Variants in TRIO observed in about 807,000 individuals in gnomAD.
The protein encoded by TRIO is triple functional domain protein.
A neutral mutation model predicts 351.9 loss-of-function variants in TRIO; 58 were observed. The observed-to-expected ratio is 0.16, with a 90% CI of 0.13 to 0.21. The LOEUF is 0.21. Among genes scored for constraint, TRIO ranks in the 10% least tolerant of loss-of-function variants. The pLI, the probability that TRIO is intolerant of heterozygous loss-of-function variation, is 1.00. For missense variants in TRIO, 3,201 were observed against 4,027.8 expected (o/e 0.79, Z 5.56); for synonymous variants, 1,758 against 1,595.7 (o/e 1.10, Z -2.42).
intron 1 of TRIO, among the ~76,000 whole-genome samples, chr5:14,156,634 C>T (rs1025587298): frequency 1.2e-4 from 18 of 152,192 alleles, no homozygotes; most frequent in African/African-American, 3.9e-4. Context: ...TTTTATCCTC[C>T]GTATCTTTAC....
chr5:14,253,619 G>T (rs1328118739), intron 1 of TRIO, among the ~76,000 whole-genome samples: 1 of 152,150 alleles, frequency 6.6e-6, no homozygotes. Context: ...GATTGATTAC[G>T]GGCATGAACT....
At chr5:14,147,353 C>T (rs1023509618) in intron 1 of TRIO, among the ~76,000 whole-genome samples, 5 of 152,136 alleles carry the variant, frequency 3.3e-5, no homozygotes, top group Non-Finnish European at 1.5e-5. Context: ...AGTTCTCAAC[C>T]CCACTGGGAC....
At chr5:14,315,420 T>G (rs1296638146) in intron 8 of TRIO, among the ~76,000 whole-genome samples, 1 of 151,988 alleles carries the variant, frequency 6.6e-6, no homozygotes, top group African/African-American at 2.4e-5. Context: ...GCCCAGCTAA[T>G]TTTTGTATTT....
intron 26 of TRIO, chr5:14,390,584 G>C: frequency 1.9e-6 from 1 of 535,690 alleles, no homozygotes; most frequent in African/African-American, 1.9e-5. Context: ...CCTTCTGGGG[G>C]ATCGTCTAGT....
rs58856067 is a variant in TRIO, at chr5:14,199,195, C to CAAAAAAA, written c.157+55331_157+55337dup. Among the ~76,000 whole-genome samples, 15 of 74,222 alleles carry CAAAAAAA rather than the reference C, an allele frequency of 2.0e-4. 1 individual carries two copies. Among genetic ancestry groups the CAAAAAAA allele is most frequent in the African/African-American group, 2.3e-4 (5 of 21,938 alleles). The allele number at this position is 74,222 out of a possible 152,430, so 48.7% of individuals were successfully genotyped here. On this transcript the variant is annotated intron_variant, in intron 1 of 56. Coordinates refer to ENST00000344204, the MANE Select transcript of TRIO (RefSeq NM_007118.4). The stretch of plus-strand genomic sequence containing the variant: ...CCAGCCTGGGCAACAGAGTGGGACT[C>CAAAAAAA]AAAAAAAAAAAAAAAAAAAAAAAAC...
At chr5:14,357,353 G>A (rs1299243771) in intron 11 of TRIO, among the ~76,000 whole-genome samples, 1 of 152,196 alleles carries the variant, frequency 6.6e-6, no homozygotes, top group Non-Finnish European at 1.5e-5. Context: ...AGCCACCAGG[G>A]CCCATTTAAT....
At chr5:14,214,367 G>T (rs1027033868) in intron 1 of TRIO, among the ~76,000 whole-genome samples, 1 of 152,152 alleles carries the variant, frequency 6.6e-6, no homozygotes, top group Non-Finnish European at 1.5e-5. Context: ...GCAGAGAACC[G>T]AGGCTGTTTG....
chr5:14,389,449 A>G (rs1179795513), intron 25 of TRIO, 51 bp downstream of exon 25: 2 of 1,341,392 alleles, frequency 1.5e-6, no homozygotes, highest in South Asian at 2.6e-5. Flanking sequence ...CATGTGCTGA[A>G]GTTTCATCAC....
At chr5:14,183,550 T>A (rs1789919236) in intron 1 of TRIO, among the ~76,000 whole-genome samples, 1 of 151,108 alleles carries the variant, frequency 6.6e-6, no homozygotes, top group African/African-American at 2.4e-5. Context: ...AATAAACTCC[T>A]CCCTTCCCCC....
intron 7 of TRIO, 84 bp downstream of exon 7, chr5:14,297,347 T>C (rs937869534): frequency 1.4e-6 from 2 of 1,452,968 alleles, no homozygotes; most frequent in African/African-American, 2.8e-5. Flanking sequence ...GCAAACACTC[T>C]TGTGTAGCAC....
chr5:14,293,594 T>G (rs1450561404), intron 6 of TRIO, among the ~76,000 whole-genome samples: 1 of 152,166 alleles, frequency 6.6e-6, no homozygotes, highest in East Asian at 1.9e-4. Context: ...CCTTCCAAGC[T>G]GAGCTGGAGG....
Position 14,377,256 on chromosome 5 carries a change from T to C in TRIO, c.3332-756T>C, listed in dbSNP as rs191005742. Among the ~76,000 whole-genome samples, 285 of 152,054 alleles carry C rather than the reference T, an allele frequency of 1.9e-3. 2 individuals carry two copies. The highest frequency in any genetic ancestry group is 6.6e-3 in the African/African-American group (275 of 41,504). ...TTATGGTTTTGTATTTTTTTTTGTT[T>C]TTTTTTTTAGACGGAGTCTTGCCCT... On this transcript the variant is annotated intron_variant, in intron 19 of 56. Transcript: ENST00000344204.
intron 34 of TRIO, among the ~76,000 whole-genome samples, chr5:14,455,727 A>T (rs889067452): frequency 1.3e-5 from 2 of 151,332 alleles, no homozygotes; most frequent in African/African-American, 4.9e-5. Context: ...GCATCCATGA[A>T]CCCTGAGCTA....
chr5:14,418,579 G>A (rs1422831763), intron 33 of TRIO, among the ~76,000 whole-genome samples: 2 of 152,182 alleles, frequency 1.3e-5, no homozygotes, highest in East Asian at 3.9e-4. Context: ...TAGGGGGTGG[G>A]AGGGCATGAT....
At chr5:14,471,543 G>T in intron 38 of TRIO, 77 bp downstream of exon 38, 1 of 1,580,282 alleles carries the variant, frequency 6.3e-7, no homozygotes, top group Admixed American at 1.7e-5. Flanking sequence ...ATGTGACTGA[G>T]ATTCAGCTCT....
At chr5:14,381,746 G>A (rs953561439) in intron 21 of TRIO, among the ~76,000 whole-genome samples, 1 of 152,192 alleles carries the variant, frequency 6.6e-6, no homozygotes, top group Non-Finnish European at 1.5e-5. Flanking sequence ...GGCAGAGTCT[G>A]TGTCATCGCC....
intron 31 of TRIO, among the ~76,000 whole-genome samples, chr5:14,402,121 G>A (rs11957060): frequency 0.29 from 43,911 of 152,056 alleles, 6,851 homozygotes; most frequent in African/African-American, 0.38. Context: ...TATGATATCA[G>A]TTGCACCGAT....
intron 1 of TRIO, among the ~76,000 whole-genome samples, chr5:14,182,708 G>A (rs1789861284): frequency 6.6e-6 from 1 of 152,170 alleles, no homozygotes; most frequent in South Asian, 2.1e-4. Flanking sequence ...GACATTATCT[G>A]TTGGAACATT....
chr5:14,261,092 G>C (rs1362533520), intron 1 of TRIO, among the ~76,000 whole-genome samples: 1 of 152,214 alleles, frequency 6.6e-6, no homozygotes, highest in Non-Finnish European at 1.5e-5. Flanking sequence ...AGGGCCGGCA[G>C]GAGGTAAGGC....
Sources: gnomAD v4.1 joint callset for allele counts (sites outside exome capture counted in the v4.1 genomes callset) on GRCh38, gnomAD v4.1.1 for gene constraint, MANE v1.5 for transcripts, NCBI Gene and HGNC (gene_info 2026-07-23, HGNC 2026-07-21) for gene names.